SHC3: variants seen among roughly 807,000 people sequenced by gnomAD.
SHC3 encodes the protein SHC-transforming protein 3.
SHC3 carries 15 observed loss-of-function variants against 60.4 expected under a neutral mutation model. The observed-to-expected ratio is 0.25, with a 90% CI of 0.17 to 0.38. The LOEUF (loss-of-function observed/expected upper bound fraction) is 0.38, where lower values mean the gene tolerates loss of function less well. SHC3 is among the 10% of genes least tolerant of loss of function. SHC3 has a pLI of 1.00. For missense variants in SHC3, 677 were observed against 786.1 expected (o/e 0.86, Z 1.66); for synonymous variants, 294 against 325.9 (o/e 0.90, Z 1.05).
chr9:89,048,020 C>T (rs1461699660), intron 7 of SHC3, among the ~76,000 whole-genome samples: 3 of 152,002 alleles, frequency 2.0e-5, no homozygotes, highest in African/African-American at 2.4e-5. Context: ...CCAAGGCGGG[C>T]AGATCATGAG....
At chr9:89,124,543 T>C (rs749277295) in intron 1 of SHC3, among the ~76,000 whole-genome samples, 11 of 152,170 alleles carry the variant, frequency 7.2e-5, no homozygotes, top group Non-Finnish European at 1.3e-4. Context: ...TGCATGGACA[T>C]GGATGAAGCT....
At chr9:89,018,672 AG>A (rs1330477115) in intron 11 of SHC3, among the ~76,000 whole-genome samples, 2 of 151,138 alleles carry the variant, frequency 1.3e-5, no homozygotes, top group Non-Finnish European at 2.9e-5. Flanking sequence ...TTGATAAAGT[AG>A]TTTTTTTTTC....
At chr9:89,049,507 T>G (rs954124139) in intron 7 of SHC3, among the ~76,000 whole-genome samples, 3 of 152,230 alleles carry the variant, frequency 2.0e-5, no homozygotes, top group Admixed American at 6.5e-5. Flanking sequence ...CTTAATAGCA[T>G]TTATTTGGCT....
intron 9 of SHC3, among the ~76,000 whole-genome samples, chr9:89,042,901 G>T (rs1824710547): frequency 6.6e-6 from 1 of 152,050 alleles, no homozygotes; most frequent in Non-Finnish European, 1.5e-5. Flanking sequence ...TAGCCAGTGG[G>T]TGTGCTGAGG....
chr9:89,090,912 G>C (rs1825611805), intron 2 of SHC3, among the ~76,000 whole-genome samples: 1 of 152,206 alleles, frequency 6.6e-6, no homozygotes, highest in African/African-American at 2.4e-5. Flanking sequence ...TGACGGGGTG[G>C]GGTGGGGATC....
chr9:89,042,725 G>A (rs1001962624), intron 9 of SHC3, among the ~76,000 whole-genome samples: 1 of 152,200 alleles, frequency 6.6e-6, no homozygotes, highest in African/African-American at 2.4e-5. Flanking sequence ...GTCTGTGAAG[G>A]AAGCCCAGGG....
At chr9:89,057,631 A>C (rs1216499228) in intron 6 of SHC3, among the ~76,000 whole-genome samples, 3 of 152,048 alleles carry the variant, frequency 2.0e-5, no homozygotes, top group African/African-American at 7.2e-5. Context: ...CGAGAGCACA[A>C]AAAAAAACAT....
intron 2 of SHC3, among the ~76,000 whole-genome samples, chr9:89,086,145 C>T (rs919112893): frequency 1.3e-4 from 20 of 152,226 alleles, no homozygotes; most frequent in Admixed American, 1.1e-3. Context: ...TCTGCTGTCA[C>T]ACCACCGCTT....
intron 1 of SHC3, among the ~76,000 whole-genome samples, chr9:89,130,568 T>C (rs976455207): frequency 1.3e-5 from 2 of 152,190 alleles, no homozygotes; most frequent in African/African-American, 4.8e-5. Flanking sequence ...AAACTGTCTC[T>C]CAGACCACAG....
At chr9:89,176,409 A>G (rs894274017) in intron 1 of SHC3, among the ~76,000 whole-genome samples, 1 of 152,252 alleles carries the variant, frequency 6.6e-6, no homozygotes, top group Non-Finnish European at 1.5e-5. Flanking sequence ...ATTTAAAGCC[A>G]TAAGTTTGAG....
chr9:89,033,034 C>T (rs1474355897), intron 11 of SHC3, among the ~76,000 whole-genome samples: 2 of 142,976 alleles, frequency 1.4e-5, no homozygotes, highest in African/African-American at 2.6e-5. Context: ...CACCGAAGAA[C>T]AGTCATTAGT....
At chr9:89,035,802 C>T (rs1490898780) in intron 11 of SHC3, among the ~76,000 whole-genome samples, 1 of 127,444 alleles carries the variant, frequency 7.8e-6, no homozygotes, top group Non-Finnish European at 1.7e-5. Context: ...ACTAAAAATA[C>T]AAAAACAAGC....
chr9:89,048,748 C>G (rs1824813516), intron 7 of SHC3, among the ~76,000 whole-genome samples: 3 of 152,228 alleles, frequency 2.0e-5, no homozygotes, highest in Non-Finnish European at 2.9e-5. Flanking sequence ...GCTGGAACAG[C>G]TGGATGCAGT....
chr9:89,157,452 C>A (rs966593129), intron 1 of SHC3, among the ~76,000 whole-genome samples: 5 of 152,214 alleles, frequency 3.3e-5, no homozygotes, highest in Non-Finnish European at 5.9e-5. Context: ...CTGCAGATAC[C>A]CTGACTGTGG....
intron 1 of SHC3, among the ~76,000 whole-genome samples, chr9:89,137,815 G>A (rs960607069): frequency 1.3e-5 from 2 of 152,078 alleles, no homozygotes; most frequent in Non-Finnish European, 2.9e-5. Flanking sequence ...GACCCCAAAA[G>A]CAAACTCAAT....
chr9:89,132,569 C>T (rs144572179), intron 1 of SHC3, among the ~76,000 whole-genome samples: 12,736 of 152,052 alleles, frequency 0.084, 745 homozygotes, highest in Non-Finnish European at 0.13. Flanking sequence ...GAGATATAGA[C>T]CAATGGAACA....
intron 11 of SHC3, among the ~76,000 whole-genome samples, chr9:89,033,624 T>C (rs1285631618): frequency 3.9e-5 from 6 of 152,234 alleles, no homozygotes. Flanking sequence ...AATACTGCTA[T>C]GTGCCAGGCA....
chr9:89,080,734 A>AATATATATATATAT (rs10591505), intron 2 of SHC3, among the ~76,000 whole-genome samples: 14 of 132,098 alleles, frequency 1.1e-4, no homozygotes, highest in African/African-American at 4.0e-4. Flanking sequence ...AACTAGGAAG[A>AATATATATATATAT]ATATATATAT....
intron 1 of SHC3, among the ~76,000 whole-genome samples, chr9:89,153,733 C>T (rs4534195): frequency 0.66 from 100,542 of 152,122 alleles, 33,541 homozygotes; most frequent in East Asian, 0.97. Context: ...AGCTGACACA[C>T]GGCTGGAGTC....
Sources: gnomAD v4.1 joint callset for allele counts (sites outside exome capture counted in the v4.1 genomes callset) on GRCh38, gnomAD v4.1.1 for gene constraint, MANE v1.5 for transcripts, NCBI Gene and HGNC (gene_info 2026-07-23, HGNC 2026-07-21) for gene names.